The following KLF12 variants were observed in gnomAD, a reference collection of about 807,000 sequenced individuals.
KLF12 encodes Krueppel-like factor 12.
In KLF12, 9 loss-of-function variants were observed where a neutral mutation model predicts 37.8. That is an observed-to-expected ratio of 0.24 (90% CI 0.14 to 0.42). The LOEUF (loss-of-function observed/expected upper bound fraction) is 0.42, where lower values mean the gene tolerates loss of function less well. Ranked by LOEUF, KLF12 falls within the 10% of genes least tolerant of loss-of-function variation. KLF12 has a pLI of 1.00. For synonymous variants in KLF12, 208 were observed against 202.1 expected, an observed-to-expected ratio of 1.03 and a Z score of -0.25; for missense variants, 411 against 516.0, an observed-to-expected ratio of 0.80 and a Z score of 1.97.
the KLF12 span, among the ~76,000 whole-genome samples, chr13:74,244,614 G>T: frequency 2.6e-5 from 4 of 152,170 alleles, 1 homozygote; most frequent in Non-Finnish European, 5.9e-5. Context: ...TGTTCCAAAG[G>T]GGTAAGAAGA....
intron 6 of KLF12, among the ~76,000 whole-genome samples, chr13:73,719,418 G>C (rs1338739426): frequency 1.2e-5 from 1 of 83,150 alleles, no homozygotes; most frequent in Admixed American, 1.3e-4. Flanking sequence ...GACATTGTGG[G>C]CATTCAAAAA....
chr13:73,895,757 T>G (rs1214723716), intron 3 of KLF12, among the ~76,000 whole-genome samples: 1 of 152,008 alleles, frequency 6.6e-6, no homozygotes, highest in Non-Finnish European at 1.5e-5. Context: ...GATTAACAAG[T>G]TTTGCAGACC....
chr13:73,904,769 G>T (rs1888197813), intron 3 of KLF12, among the ~76,000 whole-genome samples: 1 of 152,080 alleles, frequency 6.6e-6, no homozygotes, highest in African/African-American at 2.4e-5. Flanking sequence ...AGTGATGGAG[G>T]CAGACTTAAC....
At chr13:74,206,877 C>T in the KLF12 span, among the ~76,000 whole-genome samples, 1 of 152,148 alleles carries the variant, frequency 6.6e-6, no homozygotes, top group Non-Finnish European at 1.5e-5. Flanking sequence ...CATCTGCCTC[C>T]TTGTCAATAA....
intron 2 of KLF12, among the ~76,000 whole-genome samples, chr13:73,946,390 T>TA (rs1890424258): frequency 6.6e-6 from 1 of 152,210 alleles, no homozygotes; most frequent in Admixed American, 6.5e-5. Context: ...CTCATTAGTT[T>TA]AAAAAATGGA....
At chr13:74,067,796 A>T (rs1293965818) in intron 1 of KLF12, among the ~76,000 whole-genome samples, 1 of 152,240 alleles carries the variant, frequency 6.6e-6, no homozygotes, top group Non-Finnish European at 1.5e-5. Flanking sequence ...CAGGTGCTCA[A>T]AATGGTCTTA....
At chr13:73,950,365 C>T (rs1890599104) in intron 2 of KLF12, among the ~76,000 whole-genome samples, 1 of 152,196 alleles carries the variant, frequency 6.6e-6, no homozygotes, top group Non-Finnish European at 1.5e-5. Context: ...AGGATTACAA[C>T]AGATGCATGC....
chr13:73,835,384 C>A (rs530299748), intron 4 of KLF12, among the ~76,000 whole-genome samples: 25 of 151,996 alleles, frequency 1.6e-4, no homozygotes, highest in African/African-American at 5.8e-4. Flanking sequence ...TCTCATGGTT[C>A]CATATTACAT....
Position 73,857,664 on chromosome 13 carries a change from C to G in KLF12, c.124-11291G>C, listed in dbSNP as rs200645941. Among the ~76,000 whole-genome samples, 12 of 152,230 alleles carry G rather than the reference C, an allele frequency of 7.9e-5. No homozygotes were observed. In the East Asian group the frequency reaches 2.3e-3, roughly 29 times the overall value. ...GAAAGATGTCTATATGGATGCGTAACTTTGTCTTATTTTGGGGAGTAAAAA... is the reference window on the plus strand; with the variant it reads ...GAAAGATGTCTATATGGATGCGTAAGTTTGTCTTATTTTGGGGAGTAAAAA... On this transcript the variant is annotated intron_variant, in intron 3 of 7. Transcript: ENST00000377669.
At chr13:73,974,434 C>G (rs1316076542) in intron 2 of KLF12, among the ~76,000 whole-genome samples, 2 of 152,092 alleles carry the variant, frequency 1.3e-5, no homozygotes, top group African/African-American at 4.8e-5. Flanking sequence ...GACAAAGGAG[C>G]ATCGTCTACA....
At chr13:74,280,372 A>G in the KLF12 span, among the ~76,000 whole-genome samples, 1 of 152,196 alleles carries the variant, frequency 6.6e-6, no homozygotes, top group Admixed American at 6.5e-5. Context: ...CACTGGAAAC[A>G]GGTTAAACAG....
chr13:73,793,574 G>A (rs532248642), intron 5 of KLF12, among the ~76,000 whole-genome samples: 2 of 152,154 alleles, frequency 1.3e-5, no homozygotes, highest in South Asian at 2.1e-4. Context: ...TGCATTTCCT[G>A]GATTAAGACT....
the KLF12 span, among the ~76,000 whole-genome samples, chr13:74,256,165 A>G: frequency 6.6e-6 from 1 of 151,944 alleles, no homozygotes; most frequent in Non-Finnish European, 1.5e-5. Context: ...AAAAAAAAAA[A>G]AAAAAGAAGT....
the KLF12 span, among the ~76,000 whole-genome samples, chr13:74,163,230 G>T: frequency 1.3e-5 from 2 of 151,958 alleles, no homozygotes; most frequent in African/African-American, 4.8e-5. Context: ...CCCACTGCTG[G>T]GTATACACCC....
At position 73,720,011 on chromosome 13, in the gene KLF12, G is replaced by A. The variant is rs1876118682; in HGVS notation, c.870-4486C>T. On this transcript the variant is annotated intron_variant, in intron 6 of 7. Coordinates refer to ENST00000377669, the MANE Select transcript of KLF12 (RefSeq NM_007249.5). ...TCAATTATTTCCTCTAAGTTCAAGA[G>A]CAGTGTGTTCTAAAGTATTGCTTAC... is the stretch of plus-strand genomic sequence containing the variant. 2.0e-5 allele frequency among the ~76,000 whole-genome samples: 3 copies of A among 152,034 alleles called. No homozygotes were observed. The South Asian group carries it at 6.2e-4, about 32-fold the overall frequency.
At chr13:74,218,149 CA>C in the KLF12 span, among the ~76,000 whole-genome samples, 1 of 152,156 alleles carries the variant, frequency 6.6e-6, no homozygotes, top group Non-Finnish European at 1.5e-5. Context: ...CTCAAATCTC[CA>C]AATTGCTGAT....
At chr13:73,700,392 TG>T (rs1380284779) in intron 7 of KLF12, among the ~76,000 whole-genome samples, 1 of 151,868 alleles carries the variant, frequency 6.6e-6, no homozygotes, top group Non-Finnish European at 1.5e-5. Context: ...CTTTCCTATG[TG>T]GGGGAGGGGG....
chr13:73,807,935 C>T (rs915592246), intron 5 of KLF12, among the ~76,000 whole-genome samples: 1 of 152,070 alleles, frequency 6.6e-6, no homozygotes, highest in African/African-American at 2.4e-5. Context: ...GATTCTTCTA[C>T]TTGCATTAAT....
At chr13:73,891,606 A>G (rs936132382) in intron 3 of KLF12, among the ~76,000 whole-genome samples, 3 of 152,156 alleles carry the variant, frequency 2.0e-5, no homozygotes, top group African/African-American at 7.2e-5. Context: ...TGGTTTGGGA[A>G]GAAAACATTG....
Sources: allele counts gnomAD v4.1 joint callset (sites outside exome capture counted in the v4.1 genomes callset), GRCh38; gene constraint gnomAD v4.1.1; transcripts MANE v1.5; gene names NCBI Gene and HGNC (gene_info 2026-07-23, HGNC 2026-07-21).